ADAMTS16: variants seen among roughly 807,000 people sequenced by gnomAD.
The protein encoded by ADAMTS16 is A disintegrin and metalloproteinase with thrombospondin motifs 16.
A neutral mutation model predicts 145.8 loss-of-function variants in ADAMTS16; 94 were observed. The observed-to-expected ratio is 0.64, with a 90% confidence interval of 0.55 to 0.77. ADAMTS16 has a LOEUF of 0.77. Among genes scored for constraint, ADAMTS16 ranks in the 30% least tolerant of loss-of-function variants. The pLI, the probability that ADAMTS16 is intolerant of heterozygous loss-of-function variation, is 0.00. For missense variants in ADAMTS16, 1,585 were observed against 1,591.5 expected (o/e 1.00, Z 0.07); for synonymous variants, 659 against 604.3 (o/e 1.09, Z -1.33).
rs1156650642 is a variant in ADAMTS16 at position 5,317,886 on chromosome 5, T to C, written c.3412-248T>C. Among the ~76,000 whole-genome samples the C allele has an allele frequency of 6.6e-6, 1 of 152,134 alleles. No homozygotes were observed. The highest frequency in any genetic ancestry group is 2.4e-5 in the African/African-American group (1 of 41,444). On this transcript the variant is annotated intron_variant, in intron 21 of 22. Coordinates refer to ENST00000274181, the MANE Select transcript of ADAMTS16 (RefSeq NM_139056.4). The surrounding 1 kb of genome is among the most constrained non-coding windows in gnomAD (Gnocchi z 4.5). The stretch of plus-strand genomic sequence containing the variant: ...GGTTCCAGGAGCTATGTCAGCTGGT[T>C]GGTTTGGAATGCTCTGCTAGAGGCC...
chr5:5,283,103 G>A (rs1184277794), intron 18 of ADAMTS16, among the ~76,000 whole-genome samples: 3 of 151,850 alleles, frequency 2.0e-5, no homozygotes, highest in Non-Finnish European at 2.9e-5. Context: ...TCCCTCTCTA[G>A]TGTGTATATC....
intron 3 of ADAMTS16, among the ~76,000 whole-genome samples, chr5:5,172,368 A>C (rs1371964841): frequency 6.6e-6 from 1 of 151,766 alleles, no homozygotes; most frequent in Non-Finnish European, 1.5e-5. Flanking sequence ...TACTTTATTG[A>C]TGTAGGCAGT....
In ADAMTS16 at chr5:5,182,182, C is replaced by G. The variant is rs200574267; in HGVS notation, c.640C>G (p.Pro214Ala). The stretch of plus-strand genomic sequence containing the variant: ...CAAGAGATCCACAGAGCCCCATGCT[C>G]CTGGGGCCAGTGAGGTCCTGGTGAC... ...LYKRSTEPHA[P>A]GASEVLVTSR... The change falls in exon 4 of 23, where the codon CCT (proline) becomes GCT (alanine). Residue 214 changes from proline to alanine, a missense_variant. By Grantham distance (27) the Pro-to-Ala change is conservative. This residue lies in a region of ADAMTS16 where 453 missense variants were observed against 412.1 expected (regional missense o/e 1.10). Coordinates refer to ENST00000274181, the MANE Select transcript of ADAMTS16 (RefSeq NM_139056.4). 4 of 1,614,174 alleles carry G rather than the reference C, an allele frequency of 2.5e-6. No individual in the cohort carries two copies. In the South Asian group the frequency reaches 3.3e-5, roughly 13 times the overall value.
At chr5:5,202,782 G>A (rs1026732070) in intron 9 of ADAMTS16, among the ~76,000 whole-genome samples, 14 of 152,006 alleles carry the variant, frequency 9.2e-5, no homozygotes, top group African/African-American at 2.9e-4. Context: ...AAAAAATCAG[G>A]GGATTATAAT....
intron 11 of ADAMTS16, among the ~76,000 whole-genome samples, chr5:5,227,505 CTGTGTGTGTGTG>C (rs55875918): frequency 0.17 from 25,542 of 148,332 alleles, 2,186 homozygotes; most frequent in African/African-American, 0.22. Flanking sequence ...AGATCTAATA[CTGTGTGTGTGTG>C]TGTGTGTGTG....
Position 5,292,411 on chromosome 5 carries a change from G to A in ADAMTS16, c.2790-10857G>A, listed in dbSNP as rs367823714. Among the ~76,000 whole-genome samples, 6 of 151,956 alleles carry A rather than the reference G, an allele frequency of 3.9e-5. No individual in the cohort carries two copies. The East Asian group carries it at 7.7e-4, about 19-fold the overall frequency. ...ACTTGGGAGGCTGAGGCAGGAGAAT[G>A]GCTTGAACCCTGGGAGGCAGAGGTT... On this transcript the variant is annotated intron_variant, in intron 18 of 22. Coordinates refer to ENST00000274181, the MANE Select transcript of ADAMTS16 (RefSeq NM_139056.4).
chr5:5,284,575 C>A (rs1739041257), intron 18 of ADAMTS16, among the ~76,000 whole-genome samples: 1 of 152,126 alleles, frequency 6.6e-6, no homozygotes, highest in African/African-American at 2.4e-5. Flanking sequence ...GATGATTGCT[C>A]CTGGATTTCC....
At chr5:5,175,438 G>C (rs1735165973) in intron 3 of ADAMTS16, among the ~76,000 whole-genome samples, 1 of 152,288 alleles carries the variant, frequency 6.6e-6, no homozygotes, top group African/African-American at 2.4e-5. Flanking sequence ...AGAGGAGTCT[G>C]TCTCAGAGTG....
chr5:5,209,273 T>A, intron 10 of ADAMTS16, 27 bp downstream of exon 10: 2 of 1,610,752 alleles, frequency 1.2e-6, no homozygotes, highest in Non-Finnish European at 1.7e-6. Flanking sequence ...ACATGCTCAA[T>A]GCAACATGAT....
chr5:5,246,125 C>T lies in ADAMTS16; in HGVS notation c.2662+3934C>T, dbSNP rs115351685. On this transcript the variant is annotated intron_variant, in intron 17 of 22. Coordinates refer to ENST00000274181, the MANE Select transcript of ADAMTS16 (RefSeq NM_139056.4). Reference sequence around the variant, plus strand: ...ATCAGTTTTTTCTCAAAATTATATACGCTGTCATCTTTTAAAGTCAGTATC... The same window carrying T: ...ATCAGTTTTTTCTCAAAATTATATATGCTGTCATCTTTTAAAGTCAGTATC... 4.4e-3 allele frequency among the ~76,000 whole-genome samples: 666 copies of T among 152,234 alleles called. 1 individual carries two copies. The highest frequency in any genetic ancestry group is 5.6e-3 in the Non-Finnish European group (380 of 68,012).
intron 11 of ADAMTS16, chr5:5,223,462 G>A (rs1736661746): frequency 6.5e-6 from 1 of 152,782 alleles, no homozygotes; most frequent in Non-Finnish European, 1.5e-5. Context: ...CACAAAGATG[G>A]GAACCATAGA....
chr5:5,240,439 G>A (rs1329311820), intron 16 of ADAMTS16, among the ~76,000 whole-genome samples: 1 of 152,214 alleles, frequency 6.6e-6, no homozygotes, highest in East Asian at 1.9e-4. Flanking sequence ...GAGCAGTTCT[G>A]TTTACTCATG....
chr5:5,192,666 G>C (rs1236386383), intron 8 of ADAMTS16, among the ~76,000 whole-genome samples: 1 of 152,174 alleles, frequency 6.6e-6, no homozygotes, highest in Non-Finnish European at 1.5e-5. Context: ...CCAGTCCTAG[G>C]TTGGCGGTCT....
At chr5:5,216,019 T>C (rs1736429583) in intron 10 of ADAMTS16, among the ~76,000 whole-genome samples, 1 of 151,270 alleles carries the variant, frequency 6.6e-6, no homozygotes, top group Admixed American at 6.6e-5. Flanking sequence ...CAAGTATCTT[T>C]TTTGAATAAT....
chr5:5,250,736 T>TGTGTGTGCGC (rs764397980), intron 17 of ADAMTS16, among the ~76,000 whole-genome samples: 3,761 of 141,868 alleles, frequency 0.027, 135 homozygotes, highest in East Asian at 0.13. Context: ...TGTGTGTGTG[T>TGTGTGTGCGC]GCGCGCACTC....
intron 18 of ADAMTS16, among the ~76,000 whole-genome samples, chr5:5,273,476 A>T (rs2913670): frequency 0.31 from 47,743 of 152,234 alleles, 9,086 homozygotes; most frequent in East Asian, 0.52. Context: ...TGATGGCACC[A>T]CTGCACTCCA....
chr5:5,149,876 A>C (rs1422816142), intron 3 of ADAMTS16, among the ~76,000 whole-genome samples: 1 of 152,228 alleles, frequency 6.6e-6, no homozygotes, highest in Non-Finnish European at 1.5e-5. Context: ...AGCACATACC[A>C]GTACTTTATC....
intron 3 of ADAMTS16, among the ~76,000 whole-genome samples, chr5:5,156,466 A>T (rs1579276973): frequency 6.6e-6 from 1 of 152,188 alleles, no homozygotes; most frequent in East Asian, 1.9e-4. Flanking sequence ...CCAAAAACTG[A>T]AGTAGGAATA....
At chr5:5,188,448 A>G (rs1315900893) in intron 6 of ADAMTS16, among the ~76,000 whole-genome samples, 1 of 152,158 alleles carries the variant, frequency 6.6e-6, no homozygotes, top group African/African-American at 2.4e-5. Context: ...CACAGAAAGG[A>G]TGGACATGAA....
Sources: allele counts gnomAD v4.1 joint callset (sites outside exome capture counted in the v4.1 genomes callset), GRCh38; gene constraint gnomAD v4.1.1; regional missense constraint gnomAD v4.1.1; non-coding constraint Gnocchi (gnomAD v3.1); transcripts MANE v1.5; gene names NCBI Gene and HGNC (gene_info 2026-07-23, HGNC 2026-07-21).